Variants in GNL3L observed in about 807,000 individuals in gnomAD.
GNL3L encodes guanine nucleotide-binding protein-like 3-like protein.
Under a neutral mutation model 42.9 loss-of-function variants are expected in GNL3L, and 4 were observed. The ratio of observed to expected loss-of-function variants is 0.09; its 90% CI spans 0.05 to 0.21. The LOEUF (loss-of-function observed/expected upper bound fraction) is 0.21. Among genes scored for constraint, GNL3L ranks in the 10% least tolerant of loss-of-function variants. The probability of loss-of-function intolerance (pLI) is 1.00; values close to 1 mark genes in which losing one functional copy is unlikely to be tolerated. For missense variants in GNL3L, 412 were observed against 481.7 expected, an observed-to-expected ratio of 0.86 and a Z score of 1.36; for synonymous variants, 159 against 176.3, an observed-to-expected ratio of 0.90 and a Z score of 0.78.
chrX:54,634,013 A>G, the GNL3L span, among the ~76,000 whole-genome samples: 1 of 112,480 alleles, frequency 8.9e-6, no homozygotes, highest in Non-Finnish European at 1.9e-5. Context: ...GATCGTATGT[A>G]ATGAGTCACT....
chrX:54,590,847 G>T (rs1325004765), intron 16 of GNL3L, among the ~76,000 whole-genome samples: 2 of 110,011 alleles, frequency 1.8e-5, no homozygotes, highest in Non-Finnish European at 3.8e-5. Flanking sequence ...CATTCAGTCA[G>T]TCAGTCAGAG....
At chrX:54,580,045 C>T (rs1451217214) in intron 16 of GNL3L, among the ~76,000 whole-genome samples, 4 of 91,088 alleles carry the variant, frequency 4.4e-5, no homozygotes, top group Admixed American at 4.1e-4. Flanking sequence ...GTGTGCACAA[C>T]GTGCAGGTTA....
intron 4 of GNL3L, among the ~76,000 whole-genome samples, 167 bp from the exon 5 acceptor site, chrX:54,541,106 T>G (rs1924598105): frequency 2.7e-5 from 3 of 111,648 alleles, no homozygotes; most frequent in Admixed American, 9.6e-5. Context: ...TTCATCTCTC[T>G]TTTTCTTCTT....
intron 16 of GNL3L, among the ~76,000 whole-genome samples, chrX:54,607,020 CTT>C (rs1272083680): frequency 1.8e-5 from 1 of 56,192 alleles, no homozygotes; most frequent in East Asian, 4.8e-4. Flanking sequence ...TTCTTTCTTT[CTT>C]TCTTTCTTTC....
intron 13 of GNL3L, among the ~76,000 whole-genome samples, chrX:54,552,884 G>C (rs1220016534): frequency 8.9e-6 from 1 of 112,197 alleles, no homozygotes; most frequent in African/African-American, 3.2e-5. Context: ...GATGTCAGCA[G>C]AGGTGGCCTT....
In GNL3L at chrX:54,606,537, G is replaced by A. The variant is rs1412788058; in HGVS notation, c.*46-14308G>A. ...ACCCTGCAGACTGGAATGCAGTGGT[G>A]CAATCATAGCTCACTGTAACCTCAA... On this transcript the variant is annotated intron_variant, in intron 16 of 16. Transcript: ENST00000674498. Among the ~76,000 whole-genome samples the A allele has an allele frequency of 3.6e-5, 4 of 110,584 alleles. No individual in the cohort carries two copies. The Admixed American group carries it at 3.9e-4, about 11-fold the overall frequency.
chrX:54,556,047 G>A (rs775375650), intron 14 of GNL3L, among the ~76,000 whole-genome samples: 4 of 110,685 alleles, frequency 3.6e-5, no homozygotes, highest in Non-Finnish European at 7.6e-5. Flanking sequence ...CATAGGGTGC[G>A]GATAGGGGTC....
intron 16 of GNL3L, among the ~76,000 whole-genome samples, chrX:54,618,159 T>G (rs771011481): frequency 7.2e-5 from 8 of 111,665 alleles, no homozygotes; most frequent in African/African-American, 2.6e-4. Context: ...TCTTTCCCTT[T>G]TGCTCATTCC....
chrX:54,601,943 C>T (rs1301349355), intron 16 of GNL3L, among the ~76,000 whole-genome samples: 1 of 111,709 alleles, frequency 9.0e-6, no homozygotes, highest in African/African-American at 3.2e-5. Context: ...GATTAGTATT[C>T]CATTATATGG....
intron 16 of GNL3L, among the ~76,000 whole-genome samples, chrX:54,590,303 A>G (rs760865746): frequency 2.1e-4 from 24 of 112,355 alleles, no homozygotes; most frequent in African/African-American, 7.1e-4. Context: ...TTCTCTGATG[A>G]TGAATGATGT....
chrX:54,607,008 CTT>C (rs539229797), intron 16 of GNL3L, among the ~76,000 whole-genome samples: 5,932 of 36,340 alleles, frequency 0.16, 524 homozygotes, highest in African/African-American at 0.38. Context: ...TTCTTTCTTT[CTT>C]TCTTTCTTTC....
chrX:54,641,854 A>AG, the GNL3L span, among the ~76,000 whole-genome samples: 3 of 111,746 alleles, frequency 2.7e-5, no homozygotes, highest in South Asian at 1.2e-3. Flanking sequence ...AATCAGGTCA[A>AG]GTGCCTGTTA....
chrX:54,580,772 A>G (rs1925704101), intron 16 of GNL3L, among the ~76,000 whole-genome samples: 1 of 111,859 alleles, frequency 8.9e-6, no homozygotes, highest in Non-Finnish European at 1.9e-5. Context: ...TTAAGAATTT[A>G]TTTATTTTTT....
At position 54,565,950 on chromosome X, in the gene GNL3L, A is replaced by C. The variant is rs1925415926; in HGVS notation, c.*5348A>C. 9.4e-6 allele frequency among the ~76,000 whole-genome samples: 1 copy of C among 105,935 alleles called. No homozygotes were observed. Among genetic ancestry groups the C allele is most frequent in the South Asian group, 4.2e-4 (1 of 2,362 alleles). The allele number at this position is 105,935 out of a possible 115,157, so 92.0% of individuals were successfully genotyped here. A position where few individuals can be genotyped will look rare whatever the true frequency, so the allele number is the denominator to read the frequency against. The stretch of plus-strand genomic sequence containing the variant: ...ATTCTCATGCCTCAGCCTCCTGAGT[A>C]GCTGGAATTACAGGCGCAGGCCACC... On this transcript the variant is annotated 3_prime_UTR_variant, in exon 16 of 16. Transcript: ENST00000360845.
At chrX:54,606,999 T>TCCTTTC (rs11412780) in intron 16 of GNL3L, among the ~76,000 whole-genome samples, 2 of 20,859 alleles carry the variant, frequency 9.6e-5, no homozygotes, top group African/African-American at 4.3e-4. Flanking sequence ...TCCTTTCCTT[T>TCCTTTC]CTTTCTTTCT....
Position 54,540,353 on chromosome X carries a change from T to C in GNL3L, c.189+111T>C, listed in dbSNP as rs1303493740. The C allele has an allele frequency of 9.7e-6, 5 of 516,388 alleles. No individual in the cohort carries two copies. The African/African-American group carries it at 1.2e-4, about 12-fold the overall frequency. The allele number at this position is 516,388 out of a possible 1,213,427, so 42.6% of individuals were successfully genotyped here. A position where few individuals can be genotyped will look rare whatever the true frequency, so the allele number is the denominator to read the frequency against. On this transcript the variant is annotated intron_variant, in intron 4 of 15. Coordinates refer to ENST00000360845, the MANE Select transcript of GNL3L (RefSeq NM_001184819.2). ...GAGTTGTTAGGGTTGTTGAGGCTAT[T>C]TGTGGAAGCCGGGAGAGAGGGAGGT...
At chrX:54,532,249 C>A (rs1160427331) in intron 1 of GNL3L, among the ~76,000 whole-genome samples, 1 of 109,305 alleles carries the variant, frequency 9.1e-6, no homozygotes, top group South Asian at 4.1e-4. Flanking sequence ...CCCCATTTGA[C>A]CCCACTGGGC....
intron 16 of GNL3L, among the ~76,000 whole-genome samples, chrX:54,611,936 C>T (rs1259063730): frequency 8.9e-6 from 1 of 112,066 alleles, no homozygotes; most frequent in Admixed American, 9.4e-5. Flanking sequence ...TCTGTTAAGT[C>T]AATTTGTTCC....
chrX:54,552,513 G>A (rs1012518588), intron 13 of GNL3L, 85 bp downstream of exon 13: 27 of 910,681 alleles, frequency 3.0e-5, no homozygotes, highest in South Asian at 4.9e-5. Flanking sequence ...TTGACCTCCC[G>A]CTTCCTTGGC....
Sources: allele counts gnomAD v4.1 joint callset (sites outside exome capture counted in the v4.1 genomes callset), GRCh38; gene constraint gnomAD v4.1.1; transcripts MANE v1.5; gene names NCBI Gene and HGNC (gene_info 2026-07-23, HGNC 2026-07-21).